Variants in UNC13C observed in about 807,000 individuals in gnomAD.
UNC13C encodes the protein unc-13 homolog C, also known as protein unc-13 homolog C.
UNC13C carries 174 observed loss-of-function variants against 245.4 expected under a neutral mutation model. That is an observed-to-expected ratio of 0.71 (90% CI 0.63 to 0.80). UNC13C has a LOEUF of 0.80. Among genes scored for constraint, UNC13C ranks in the 30% least tolerant of loss-of-function variants. The pLI is 0.00. For synonymous variants in UNC13C, 992 were observed against 895.1 expected, an observed-to-expected ratio of 1.11 and a Z score of -1.93; for missense variants, 2,829 against 2,602.9, an observed-to-expected ratio of 1.09 and a Z score of -1.89.
chr15:54,415,730 T>G (rs780444463), intron 19 of UNC13C, among the ~76,000 whole-genome samples: 1 of 152,156 alleles, frequency 6.6e-6, no homozygotes, highest in African/African-American at 2.4e-5. Context: ...ATTGGTGCAC[T>G]GGATGTAGGG....
the UNC13C span, among the ~76,000 whole-genome samples, chr15:53,843,553 G>T: frequency 6.6e-6 from 1 of 152,050 alleles, no homozygotes; most frequent in Admixed American, 6.6e-5. Context: ...TTAATCATGA[G>T]ATTAGTAATG....
At chr15:54,270,951 A>G (rs1317301132) in intron 10 of UNC13C, among the ~76,000 whole-genome samples, 1 of 152,166 alleles carries the variant, frequency 6.6e-6, no homozygotes, top group Admixed American at 6.5e-5. Context: ...AACTGGTAAA[A>G]TGAAAAGGTA....
chr15:54,385,591 A>G (rs2039821208), intron 17 of UNC13C, among the ~76,000 whole-genome samples: 1 of 151,462 alleles, frequency 6.6e-6, no homozygotes, highest in Admixed American at 6.6e-5. Flanking sequence ...AGGGTTGATT[A>G]TGGATATAAA....
Position 54,015,466 on chromosome 15 carries a change from G to A in UNC13C, c.2563G>A (p.Glu855Lys). Residue 855 changes from glutamate (E) to lysine (K), a missense_variant, in exon 2 of 33, where the codon GAG becomes AAG. Glu to Lys is a moderately conservative substitution (Grantham distance 56, BLOSUM62 1). Transcript: ENST00000260323. ...CACACTTGACTCTGATGTCTACACG[G>A]AGCCCTATTACTATAAAGCAGAGGA... ...STTLDSDVYT[E>K]PYYYKAEDEE... 1 of 1,613,518 alleles carries A rather than the reference G, an allele frequency of 6.2e-7. No individual in the cohort carries two copies. The highest frequency in any genetic ancestry group is 8.5e-7 in the Non-Finnish European group (1 of 1,179,724).
At chr15:54,514,664 GC>G (rs1251857934) in intron 24 of UNC13C, among the ~76,000 whole-genome samples, 1 of 152,122 alleles carries the variant, frequency 6.6e-6, no homozygotes, top group Non-Finnish European at 1.5e-5. Context: ...GCTCCCTGCT[GC>G]TTTAACCTTA....
At chr15:54,333,025 A>G (rs1422554992) in intron 15 of UNC13C, among the ~76,000 whole-genome samples, 1 of 151,990 alleles carries the variant, frequency 6.6e-6, no homozygotes, top group Non-Finnish European at 1.5e-5. Flanking sequence ...CAAGGGCCTG[A>G]AGCCACCTCA....
At chr15:53,924,268 A>G in the UNC13C span, among the ~76,000 whole-genome samples, 1 of 152,304 alleles carries the variant, frequency 6.6e-6, no homozygotes, top group Admixed American at 6.5e-5. Flanking sequence ...GGCACAGTTC[A>G]GTGCTAATAG....
intron 17 of UNC13C, among the ~76,000 whole-genome samples, chr15:54,363,512 A>T (rs1289908532): frequency 6.6e-6 from 1 of 152,238 alleles, no homozygotes; most frequent in Non-Finnish European, 1.5e-5. Flanking sequence ...ACTGGTGACA[A>T]ATCAGGTTAA....
intron 17 of UNC13C, among the ~76,000 whole-genome samples, chr15:54,381,203 G>A (rs1425001575): frequency 1.3e-5 from 2 of 152,078 alleles, no homozygotes; most frequent in Non-Finnish European, 2.9e-5. Flanking sequence ...TAACATCATT[G>A]ATTGAAGAGA....
chr15:54,403,268 G>C (rs545611299), intron 18 of UNC13C, among the ~76,000 whole-genome samples: 48 of 152,218 alleles, frequency 3.2e-4, no homozygotes, highest in African/African-American at 1.2e-3. Flanking sequence ...TTAACTTAGA[G>C]CTGGGCTCAT....
chr15:54,624,081 T>A, intron 32 of UNC13C, 127 bp downstream of exon 32: 1 of 1,169,052 alleles, frequency 8.6e-7, no homozygotes, highest in Non-Finnish European at 1.2e-6. Flanking sequence ...TTCCCTTCCA[T>A]TCATTCAATA....
the UNC13C span, among the ~76,000 whole-genome samples, chr15:53,844,541 G>T: frequency 1.3e-5 from 2 of 152,048 alleles, no homozygotes; most frequent in Non-Finnish European, 2.9e-5. Context: ...TCGAAGTTAG[G>T]CTCCTGCACT....
At chr15:54,355,085 CAG>C (rs1355944895) in intron 17 of UNC13C, among the ~76,000 whole-genome samples, 1 of 152,166 alleles carries the variant, frequency 6.6e-6, no homozygotes, top group Non-Finnish European at 1.5e-5. Flanking sequence ...CCAGACTCTA[CAG>C]AGAGTCCCCA....
intron 13 of UNC13C, among the ~76,000 whole-genome samples, chr15:54,314,706 T>C (rs1157064644): frequency 6.6e-6 from 1 of 151,844 alleles, no homozygotes; most frequent in Non-Finnish European, 1.5e-5. Context: ...TTGGAATTAC[T>C]AAGGTTACCT....
chr15:53,931,464 T>C, the UNC13C span, among the ~76,000 whole-genome samples: 4 of 152,106 alleles, frequency 2.6e-5, no homozygotes, highest in Non-Finnish European at 5.9e-5. Context: ...CCATTGCGCT[T>C]GGCCTTTTTT....
the UNC13C span, among the ~76,000 whole-genome samples, chr15:53,929,896 C>T: frequency 1.3e-5 from 2 of 152,122 alleles, no homozygotes; most frequent in Admixed American, 6.5e-5. Context: ...TAAGATGCTA[C>T]CGGTGATACA....
intron 4 of UNC13C, among the ~76,000 whole-genome samples, chr15:54,225,573 G>A (rs762477366): frequency 2.6e-5 from 4 of 152,150 alleles, no homozygotes; most frequent in Non-Finnish European, 5.9e-5. Flanking sequence ...CGTAGCAAAT[G>A]TGAATGAGAG....
At chr15:54,268,126 C>T (rs1596114621) in intron 10 of UNC13C, among the ~76,000 whole-genome samples, 2 of 151,870 alleles carry the variant, frequency 1.3e-5, no homozygotes, top group Non-Finnish European at 2.9e-5. Flanking sequence ...CGCCCCACCC[C>T]CCAACTTTAC....
intron 4 of UNC13C, among the ~76,000 whole-genome samples, chr15:54,213,267 A>T (rs978837579): frequency 2.0e-5 from 3 of 152,012 alleles, no homozygotes; most frequent in African/African-American, 7.2e-5. Flanking sequence ...AAATGAAAAG[A>T]ATTCTTTCAT....
Sources: allele counts gnomAD v4.1 joint callset (sites outside exome capture counted in the v4.1 genomes callset), GRCh38; gene constraint gnomAD v4.1.1; transcripts MANE v1.5; gene names NCBI Gene and HGNC (gene_info 2026-07-23, HGNC 2026-07-21).